The following NADK variants were observed in gnomAD, a reference collection of about 807,000 sequenced individuals.
The protein encoded by NADK is poly(P)/ATP NAD kinase.
A neutral mutation model predicts 49.8 loss-of-function variants in NADK; 22 were observed. That is an observed-to-expected ratio of 0.44 (90% CI 0.32 to 0.63). The LOEUF is 0.63. Among genes scored for constraint, NADK ranks in the 30% least tolerant of loss-of-function variants. NADK has a pLI of 0.06. For missense variants in NADK, 438 were observed against 609.4 expected (o/e 0.72, Z 2.96); for synonymous variants, 268 against 253.7 (o/e 1.06, Z -0.54).
chr1:1,752,314 A>G lies in NADK; in HGVS notation c.*590T>C, dbSNP rs1645350868. The G allele has an allele frequency of 6.6e-6, 1 of 152,656 alleles. No homozygotes were observed. Among genetic ancestry groups the G allele is most frequent in the Non-Finnish European group, 1.5e-5 (1 of 68,134 alleles). 9.5% of individuals were successfully genotyped at this position (152,656 alleles called of 1,614,324 possible). ...GCCCCCTTCCCGCTGAGTGTCCCAGACTCAGTGCTGGCCTCAAGCGGGGAG... is the reference window on the plus strand; with the variant it reads ...GCCCCCTTCCCGCTGAGTGTCCCAGGCTCAGTGCTGGCCTCAAGCGGGGAG... On this transcript the variant is annotated 3_prime_UTR_variant, in exon 12 of 12. Coordinates refer to ENST00000341426, the MANE Select transcript of NADK (RefSeq NM_023018.5).
chr1:1,764,518 G>A (rs1645825951), intron 2 of NADK, among the ~76,000 whole-genome samples: 1 of 152,212 alleles, frequency 6.6e-6, no homozygotes, highest in Non-Finnish European at 1.5e-5. Context: ...CACCAGCCCT[G>A]CTCACAGTGC....
upstream of NADK, chr1:1,780,030 C>G (rs1004520872): frequency 4.6e-5 from 7 of 152,216 alleles, no homozygotes; most frequent in African/African-American, 1.7e-4. Flanking sequence ...CCAAGGGTGA[C>G]TGGAAAGGGA....
At chr1:1,773,623 C>A (rs1485069903) in intron 1 of NADK, among the ~76,000 whole-genome samples, 1 of 150,828 alleles carries the variant, frequency 6.6e-6, no homozygotes, top group Non-Finnish European at 1.5e-5. Context: ...ATCAAAATCA[C>A]AAAATGTTAA....
At position 1,756,508 on chromosome 1, in the gene NADK, C is replaced by T. The variant is rs772515992; in HGVS notation, c.494G>A (p.Arg165Gln). ...GAVKKKFCTF[R>Q]EDYDDISNQI... The stretch of plus-strand genomic sequence containing the variant: ...CAGAGCTGCTGACAGCCCACCTTCT[C>T]GAAAGGTACAGAATTTCTTCTTCAC... Residue 165 changes from arginine (R) to glutamine (Q), a missense_variant, in exon 5 of 12, where the codon CGA becomes CAA. Arg to Gln is a conservative substitution (Grantham distance 43, BLOSUM62 1). Transcript: ENST00000341426. The T allele has an allele frequency of 3.5e-5, 56 of 1,613,934 alleles. No individual in the cohort carries two copies. The highest frequency in any genetic ancestry group is 3.3e-4 in the Middle Eastern group (2 of 6,084).
At position 1,754,371 on chromosome 1, in the gene NADK, C is replaced by T; in HGVS notation, c.856G>A (p.Val286Met). The change falls in exon 9 of 12, where the codon GTG (valine) becomes ATG (methionine). Residue 286 changes from valine to methionine, a missense_variant. Val to Met is a conservative substitution (Grantham distance 21, BLOSUM62 1). Transcript: ENST00000341426. This position sits in a 1 kb window ranked among gnomAD's most constrained non-coding sequence, Gnocchi z 4.3. Reference protein sequence around the residue: ...QAMQYQVLNEVVIDRGPSSYL... With the variant: ...QAMQYQVLNEMVIDRGPSSYL... ...GAGGAGGGGCCTCTGTCAATCACCA[C>T]CTCATTCAGGACCTGGAGGGGCGAC... 1.2e-6 allele frequency: 2 copies of T among 1,613,940 alleles called. No individual in the cohort carries two copies. The highest frequency in any genetic ancestry group is 1.7e-6 in the Non-Finnish European group (2 of 1,179,934).
chr1:1,754,755 C>T lies in NADK; in HGVS notation c.689-57G>A. ...TCAGGGAAGTCAGTGGGGTCAGGGG[C>T]CCCACCCCAGGGAGGCCAGTGGGAG... is the stretch of plus-strand genomic sequence containing the variant. On this transcript the variant is annotated intron_variant, in intron 7 of 11. Coordinates refer to ENST00000341426, the MANE Select transcript of NADK (RefSeq NM_023018.5). This position sits in a 1 kb window ranked among gnomAD's most constrained non-coding sequence, Gnocchi z 4.3. 2 of 1,526,990 alleles carry T rather than the reference C, an allele frequency of 1.3e-6. No homozygotes were observed. The highest frequency in any genetic ancestry group is 1.4e-5 in the African/African-American group (1 of 72,262). The allele number at this position is 1,526,990 out of a possible 1,614,324, so 94.6% of individuals were successfully genotyped here.
rs570274071 is a variant in NADK, at chr1:1,754,031, G to A, written c.1101+20C>T. 23 of 1,553,860 alleles carry A rather than the reference G, an allele frequency of 1.5e-5. No individual in the cohort carries two copies. The highest frequency in any genetic ancestry group is 1.7e-4 in the Middle Eastern group (1 of 5,802). ...GTCAAATGACTCACAAACCGGAAAA[G>A]GAGTGTCGTTGGCTCTGACCTTCAG... On this transcript the variant is annotated intron_variant, in intron 10 of 11. Transcript: ENST00000341426. This position sits in a 1 kb window ranked among gnomAD's most constrained non-coding sequence, Gnocchi z 4.3.
At chr1:1,778,737 C>A (rs1646291211), upstream of NADK, 2 of 151,796 alleles carry the variant, frequency 1.3e-5, no homozygotes. The surrounding 1 kb of genome is among the most constrained non-coding windows in gnomAD (Gnocchi z 4.9). Flanking sequence ...GGCTCCCGTC[C>A]CCACTCACCT....
intron 3 of NADK, chr1:1,758,302 C>G (rs1018286415): frequency 1.3e-5 from 20 of 1,530,590 alleles, no homozygotes; most frequent in Non-Finnish European, 1.7e-5. Flanking sequence ...ACGCCGATGG[C>G]AGCCACAGGG....
chr1:1,758,239 G>T, intron 3 of NADK: 1 of 1,134,876 alleles, frequency 8.8e-7, no homozygotes, highest in South Asian at 1.9e-5. Flanking sequence ...TCCCAGCAGT[G>T]ACTTCCCCAG....
intron 2 of NADK, 33 bp downstream of exon 2, chr1:1,765,195 A>G (rs1037689989): frequency 2.6e-6 from 4 of 1,518,124 alleles, no homozygotes; most frequent in Admixed American, 2.2e-5. Flanking sequence ...ATCAGACGAG[A>G]AAAAAAAGAG....
intron 1 of NADK, among the ~76,000 whole-genome samples, chr1:1,773,719 T>TGAGAGAGAGAGA (rs1416052430): frequency 2.1e-4 from 29 of 137,240 alleles, no homozygotes; most frequent in Non-Finnish European, 3.5e-4. Flanking sequence ...TGTGTGTGTG[T>TGAGAGAGAGAGA]GTGTGTGTGT....
At position 1,762,026 on chromosome 1, in the gene NADK, G is replaced by C; in HGVS notation, c.189C>G (p.Arg63=). The part of the protein sequence containing the change: ...LGSTKEFRRT[R]SLHGPCPVTT... ...TCACCGGGCATGGCCCATGAAGAGA[G>C]CGTGTCCTCCTGTGGGGAGAGGGCA... Residue 63 remains arginine, a synonymous_variant, in exon 3 of 12, where the codon CGC becomes CGG. Transcript: ENST00000341426. The C allele has an allele frequency of 6.2e-7, 1 of 1,614,028 alleles. No individual in the cohort carries two copies. The highest frequency in any genetic ancestry group is 8.5e-7 in the Non-Finnish European group (1 of 1,179,988).
intron 11 of NADK, 120 bp from the exon 12 acceptor site, chr1:1,753,180 G>T: frequency 1.6e-6 from 2 of 1,275,366 alleles, no homozygotes; most frequent in Non-Finnish European, 2.2e-6. Context: ...GGGCCGGGCA[G>T]CCCCTCCCCG....
chr1:1,753,500 G>C (rs1645398920), intron 11 of NADK, 67 bp downstream of exon 11: 2 of 1,390,204 alleles, frequency 1.4e-6, no homozygotes, highest in South Asian at 1.2e-5. Flanking sequence ...AACCGCAAGA[G>C]GGCAGGCGCT....
intron 3 of NADK, chr1:1,758,777 T>A (rs1645616834): frequency 3.0e-5 from 15 of 501,458 alleles, no homozygotes; most frequent in Middle Eastern, 1.0e-3. Flanking sequence ...ACACTTCAGC[T>A]CCCTGCTCCT....
At chr1:1,760,201 AG>A (rs1645674343) in intron 3 of NADK, among the ~76,000 whole-genome samples, 1 of 152,170 alleles carries the variant, frequency 6.6e-6, no homozygotes, top group Admixed American at 6.5e-5. Context: ...GAAAGCAAAC[AG>A]GGGTCGGGCC....
At chr1:1,757,149 C>CA in intron 4 of NADK, 32 bp downstream of exon 4, 11 of 1,007,242 alleles carry the variant, frequency 1.1e-5, no homozygotes, top group Middle Eastern at 3.1e-4. Context: ...TCCATGTGCA[C>CA]CCCAGGCCCC....
rs11260628 is a variant in NADK at position 1,754,527 on chromosome 1, G to C, written c.843+17C>G. On this transcript the variant is annotated intron_variant, in intron 8 of 11. Coordinates refer to ENST00000341426, the MANE Select transcript of NADK (RefSeq NM_023018.5). This position sits in a 1 kb window ranked among gnomAD's most constrained non-coding sequence, Gnocchi z 4.3. ...CCACCCTGGGCCCCTCACCGAGGCC[G>C]AGGCGCCTCCACTCACCTGGTACTG... 1.9e-6 allele frequency: 3 copies of C among 1,603,286 alleles called. No individual in the cohort carries two copies. Among genetic ancestry groups the C allele is most frequent in the Non-Finnish European group, 1.7e-6 (2 of 1,174,350 alleles).
Sources: gnomAD v4.1 joint callset for allele counts (sites outside exome capture counted in the v4.1 genomes callset) on GRCh38, gnomAD v4.1.1 for gene constraint, Gnocchi (gnomAD v3.1) non-coding constraint, MANE v1.5 for transcripts, NCBI Gene and HGNC (gene_info 2026-07-23, HGNC 2026-07-21) for gene names.